Variants in KAT6B observed in about 807,000 individuals in gnomAD.
KAT6B encodes the protein histone acetyltransferase KAT6B.
Under a neutral mutation model 187.5 loss-of-function variants are expected in KAT6B, and 10 were observed. That is an observed-to-expected ratio of 0.05 (90% confidence interval 0.03 to 0.09). The LOEUF (loss-of-function observed/expected upper bound fraction) is 0.09. Among genes scored for constraint, KAT6B ranks in the 10% least tolerant of loss-of-function variants. The probability of loss-of-function intolerance (pLI) is 1.00; values close to 1 mark genes in which losing one functional copy is unlikely to be tolerated. For synonymous variants in KAT6B, 861 were observed against 926.8 expected (o/e 0.93, Z 1.29); for missense variants, 1,952 against 2,558.9 (o/e 0.76, Z 5.12).
chr10:74,912,413 A>AT (rs59473095), intron 3 of KAT6B, among the ~76,000 whole-genome samples: 1,788 of 151,386 alleles, frequency 0.012, 39 homozygotes, highest in African/African-American at 0.041. Flanking sequence ...AGATAGATAG[A>AT]AAGATAGATG....
At chr10:74,871,528 T>C (rs769982610) in intron 3 of KAT6B, among the ~76,000 whole-genome samples, 27 of 152,098 alleles carry the variant, frequency 1.8e-4, no homozygotes, top group Non-Finnish European at 3.2e-4. Flanking sequence ...ACATGTTTGA[T>C]TCAATTTAAA....
At chr10:74,963,233 A>G (rs1404067181) in intron 4 of KAT6B, among the ~76,000 whole-genome samples, 2 of 152,244 alleles carry the variant, frequency 1.3e-5, no homozygotes, top group African/African-American at 4.8e-5. Flanking sequence ...CTTTGAAATT[A>G]ACACTGTTAT....
At chr10:74,979,737 A>G (rs1475172458) in intron 10 of KAT6B, among the ~76,000 whole-genome samples, 2 of 151,936 alleles carry the variant, frequency 1.3e-5, no homozygotes, top group African/African-American at 4.8e-5. Context: ...TTTATCTCTG[A>G]TTTCTGGCAT....
chr10:74,871,880 CCTAA>C (rs1283031133), intron 3 of KAT6B, among the ~76,000 whole-genome samples: 1 of 152,108 alleles, frequency 6.6e-6, no homozygotes, highest in African/African-American at 2.4e-5. Context: ...TGTGTGGTGT[CCTAA>C]CTCTCTCTAG....
At chr10:75,014,557 A>T (rs1005150889) in intron 13 of KAT6B, among the ~76,000 whole-genome samples, 2 of 152,182 alleles carry the variant, frequency 1.3e-5, no homozygotes, top group African/African-American at 2.4e-5. Context: ...AAATTAATAG[A>T]TAGAGCCCTT....
chr10:74,859,429 A>G (rs1843023008), intron 3 of KAT6B, among the ~76,000 whole-genome samples: 2 of 152,246 alleles, frequency 1.3e-5, no homozygotes, highest in Admixed American at 6.5e-5. Flanking sequence ...AGAAGTCTAA[A>G]TAGGCTGAAA....
chr10:74,893,272 CCT>C (rs2038106592), intron 3 of KAT6B, among the ~76,000 whole-genome samples: 1 of 152,194 alleles, frequency 6.6e-6, no homozygotes. Flanking sequence ...CTTTCCCTTT[CCT>C]CACACTTGCC....
Position 75,029,760 on chromosome 10 carries a change from A to G in KAT6B, c.4936A>G (p.Thr1646Ala). The G allele has an allele frequency of 1.2e-6, 2 of 1,614,102 alleles. No homozygotes were observed. The highest frequency in any genetic ancestry group is 1.7e-6 in the Non-Finnish European group (2 of 1,180,012). The change falls in exon 18 of 18, where the codon ACC (threonine) becomes GCC (alanine). Residue 1646 changes from threonine (T) to alanine (A), a missense_variant. By Grantham distance (58) the Thr-to-Ala change is moderately conservative. This residue lies in a region of KAT6B where 87 missense variants were observed against 167.5 expected (regional missense o/e 0.52). Transcript: ENST00000287239. The surrounding 1 kb of genome is among the most constrained non-coding windows in gnomAD (Gnocchi z 6.2). ...AGTGCCATCTCTGCAGAACATGGAA[A>G]CCAGTCCCATGATGGATGTCCCATC... ...ISVPSLQNME[T>A]SPMMDVPSVS...
chr10:74,981,978 TA>T (rs745974327), intron 11 of KAT6B, 50 bp downstream of exon 11: 1 of 1,533,246 alleles, frequency 6.5e-7, no homozygotes, highest in Non-Finnish European at 9.0e-7. Flanking sequence ...CTAGTACTCC[TA>T]ATTGTTGACT....
intron 13 of KAT6B, among the ~76,000 whole-genome samples, chr10:74,995,618 CA>C (rs1330004597): frequency 6.6e-6 from 1 of 152,122 alleles, no homozygotes; most frequent in African/African-American, 2.4e-5. Flanking sequence ...TAGTCTTTTG[CA>C]TTTTGATTTT....
Position 74,875,474 on chromosome 10 carries a change from C to CT in KAT6B, c.621+32011dup, listed in dbSNP as rs553387866. Among the ~76,000 whole-genome samples, 217 of 138,902 alleles carry CT rather than the reference C, an allele frequency of 1.6e-3. 1 individual carries two copies. Among genetic ancestry groups the CT allele is most frequent in the East Asian group, 5.4e-3 (26 of 4,786 alleles). The allele number at this position is 138,902 out of a possible 152,430, so 91.1% of individuals were successfully genotyped here. Reference sequence around the variant, plus strand: ...AATGGAAAATTGTCTTCCTTTTTTTCTTTTTTTTTTTTTTTCCCTTGAGAT... The same window carrying CT: ...AATGGAAAATTGTCTTCCTTTTTTTCTTTTTTTTTTTTTTTTCCCTTGAGAT... On this transcript the variant is annotated intron_variant, in intron 3 of 17. Transcript: ENST00000287239.
At chr10:75,002,022 C>T (rs1037020956) in intron 13 of KAT6B, among the ~76,000 whole-genome samples, 1 of 152,128 alleles carries the variant, frequency 6.6e-6, no homozygotes, top group African/African-American at 2.4e-5. Flanking sequence ...GTCTCTGCAC[C>T]GTGTGGTCAG....
At chr10:74,936,128 T>G (rs1395374329) in intron 3 of KAT6B, among the ~76,000 whole-genome samples, 1 of 152,020 alleles carries the variant, frequency 6.6e-6, no homozygotes, top group Non-Finnish European at 1.5e-5. Flanking sequence ...TTGGGCCGGG[T>G]GCGGTGGCTC....
chr10:75,004,889 G>A (rs1167798669), intron 13 of KAT6B, among the ~76,000 whole-genome samples: 1 of 151,576 alleles, frequency 6.6e-6, no homozygotes, highest in Non-Finnish European at 1.5e-5. Context: ...GAGGGGTGGG[G>A]GGTCAGCTAG....
intron 3 of KAT6B, among the ~76,000 whole-genome samples, chr10:74,863,029 A>G (rs1174707897): frequency 1.3e-5 from 2 of 152,150 alleles, no homozygotes; most frequent in Non-Finnish European, 2.9e-5. Flanking sequence ...ACCCCACCTC[A>G]TGTTATTTAA....
intron 1 of KAT6B, among the ~76,000 whole-genome samples, chr10:74,830,754 A>ATATG (rs1554912286): frequency 8.2e-5 from 2 of 24,362 alleles, no homozygotes; most frequent in African/African-American, 2.8e-4. Flanking sequence ...ATATATATAT[A>ATATG]TATATATATA....
chr10:74,891,838 A>C (rs1467811597), intron 3 of KAT6B, among the ~76,000 whole-genome samples: 1 of 152,332 alleles, frequency 6.6e-6, no homozygotes, highest in African/African-American at 2.4e-5. Context: ...GTTTTGACAG[A>C]TATTCTCAGT....
intron 3 of KAT6B, among the ~76,000 whole-genome samples, chr10:74,954,757 A>G (rs1430642576): frequency 6.6e-6 from 1 of 152,160 alleles, no homozygotes; most frequent in Non-Finnish European, 1.5e-5. Context: ...ACGCCCTTTA[A>G]ATGTCTATTA....
At chr10:75,028,190 G>A (rs1259625168) in intron 17 of KAT6B, among the ~76,000 whole-genome samples, 1 of 150,792 alleles carries the variant, frequency 6.6e-6, no homozygotes, top group Non-Finnish European at 1.5e-5. Context: ...TTTTTACACT[G>A]TGGAACTCTG....
Sources: allele counts gnomAD v4.1 joint callset (sites outside exome capture counted in the v4.1 genomes callset), GRCh38; gene constraint gnomAD v4.1.1; regional missense constraint gnomAD v4.1.1; non-coding constraint Gnocchi (gnomAD v3.1); transcripts MANE v1.5; gene names NCBI Gene and HGNC (gene_info 2026-07-23, HGNC 2026-07-21).